The following BBC3 variants were observed in gnomAD, a reference collection of about 807,000 sequenced individuals.
BBC3 encodes the protein bcl-2-binding component 3.
A neutral mutation model predicts 18.2 loss-of-function variants in BBC3; 5 were observed. That is an observed-to-expected ratio of 0.27 (90% confidence interval 0.14 to 0.58). The LOEUF is 0.58. Among genes scored for constraint, BBC3 ranks in the 20% least tolerant of loss-of-function variants. BBC3 has a pLI of 0.91. For missense variants in BBC3, 224 were observed against 268.9 expected (o/e 0.83, Z 1.17); for synonymous variants, 119 against 128.0 (o/e 0.93, Z 0.47).
chr19:47,228,513 C>T lies in BBC3; in HGVS notation c.-15-67G>A. The T allele has an allele frequency of 9.8e-6, 12 of 1,218,854 alleles. No individual in the cohort carries two copies. Among genetic ancestry groups the T allele is most frequent in the Non-Finnish European group, 1.2e-5 (12 of 977,100 alleles). The allele number at this position is 1,218,854 out of a possible 1,614,324, so 75.5% of individuals were successfully genotyped here. On this transcript the variant is annotated intron_variant, in intron 1 of 3. Coordinates refer to ENST00000439096, the MANE Select transcript of BBC3 (RefSeq NM_014417.5). This position sits in a 1 kb window ranked among gnomAD's most constrained non-coding sequence, Gnocchi z 5.5. ...CAGGGCCCACTGTACCTCCAGCCTA[C>T]CCGGGGTTAGGACCCAGATGGAGAA...
chr19:47,227,636 C>T (rs1441648004), intron 2 of BBC3, among the ~76,000 whole-genome samples: 1 of 152,174 alleles, frequency 6.6e-6, no homozygotes, highest in East Asian at 1.9e-4. Flanking sequence ...ACCTTTAACC[C>T]TTCCCTCCCC....
At position 47,221,699 on chromosome 19, in the gene BBC3, T is replaced by A. The variant is rs2058753303; in HGVS notation, c.*103A>T. 1 of 1,572,708 alleles carries A rather than the reference T, an allele frequency of 6.4e-7. No homozygotes were observed. Among genetic ancestry groups the A allele is most frequent in the Non-Finnish European group, 8.6e-7 (1 of 1,164,716 alleles). On this transcript the variant is annotated 3_prime_UTR_variant, in exon 4 of 4. Transcript: ENST00000439096. Reference sequence around the variant, plus strand: ...GACAGGCAGGGCTGGGAGTCCAGTATGCTACATGGTGCAGAGAAAGTCCCC... The same window carrying A: ...GACAGGCAGGGCTGGGAGTCCAGTAAGCTACATGGTGCAGAGAAAGTCCCC...
rs2058826369 is a variant in BBC3, at chr19:47,226,551, C to T, written c.465+13G>A. The T allele has an allele frequency of 1.3e-6, 2 of 1,538,990 alleles. No individual in the cohort carries two copies. The highest frequency in any genetic ancestry group is 1.4e-5 in the African/African-American group (1 of 69,862). ...AAGTCCCACCTGCCGTCTACCCCAC[C>T]CCCAGCACTCACCCGCCGCTCGTAC... On this transcript the variant is annotated intron_variant, in intron 3 of 3. Coordinates refer to ENST00000439096, the MANE Select transcript of BBC3 (RefSeq NM_014417.5).
chr19:47,226,867 C>G, intron 2 of BBC3, 113 bp from the exon 3 acceptor site: 5 of 950,792 alleles, frequency 5.3e-6, no homozygotes, highest in South Asian at 2.2e-5. Flanking sequence ...TCTAGTGATC[C>G]CATCGCTAGT....
Position 47,228,389 on chromosome 19 carries a change from C to T in BBC3, c.43G>A (p.Glu15Lys). 4 of 1,231,764 alleles carry T rather than the reference C, an allele frequency of 3.2e-6. No individual in the cohort carries two copies. The highest frequency in any genetic ancestry group is 4.0e-6 in the Non-Finnish European group (4 of 988,020). The allele number at this position is 1,231,764 out of a possible 1,614,324, so 76.3% of individuals were successfully genotyped here. ...RQEGSSPEPV[E>K]GLARDGPRPF... ...CGCGGGCCGTCGCGGGCCAGGCCCT[C>T]TACGGGCTCCGGGGAGCTGCCCTCC... The change falls in exon 2 of 4, where the codon GAG (glutamate) becomes AAG (lysine). Residue 15 changes from glutamate to lysine, a missense_variant. Transcript: ENST00000439096. The surrounding 1 kb of genome is among the most constrained non-coding windows in gnomAD (Gnocchi z 5.5).
intron 3 of BBC3, among the ~76,000 whole-genome samples, chr19:47,224,471 A>C (rs1299572719): frequency 6.6e-6 from 1 of 151,152 alleles, no homozygotes; most frequent in Non-Finnish European, 1.5e-5. Context: ...AAAAAATAAA[A>C]TAAAAATTAG....
In BBC3 at chr19:47,228,122, G is replaced by T; in HGVS notation, c.274+36C>A. ...CGAGTCTCCAGCCCTCTCTCTTCCC[G>T]GCTCCTATCACCCCGGGGGCGGGGC... On this transcript the variant is annotated intron_variant, in intron 2 of 3. Coordinates refer to ENST00000439096, the MANE Select transcript of BBC3 (RefSeq NM_014417.5). This position sits in a 1 kb window ranked among gnomAD's most constrained non-coding sequence, Gnocchi z 5.5. The T allele has an allele frequency of 1.6e-6, 2 of 1,224,202 alleles. No individual in the cohort carries two copies. The allele number at this position is 1,224,202 out of a possible 1,614,324, so 75.8% of individuals were successfully genotyped here.
At chr19:47,231,205 G>T (rs1369723172), upstream of BBC3, 2 of 982,234 alleles carry the variant, frequency 2.0e-6, no homozygotes, top group Non-Finnish European at 2.4e-6. This position sits in a 1 kb window ranked among gnomAD's most constrained non-coding sequence, Gnocchi z 4.0. Context: ...GTCTCAGGCC[G>T]CCCGGCGGAT....
At chr19:47,225,293 T>C (rs2058800685) in intron 3 of BBC3, among the ~76,000 whole-genome samples, 1 of 151,566 alleles carries the variant, frequency 6.6e-6, no homozygotes, top group Non-Finnish European at 1.5e-5. Flanking sequence ...AGTGAGCCAC[T>C]TGCCTCCGCC....
Position 47,228,260 on chromosome 19 carries a change from A to AGGCAGCGGGCAGCAGGGTGGG in BBC3, c.151_171dup (p.Pro51_Ala57dup). 1 of 853,396 alleles carries AGGCAGCGGGCAGCAGGGTGGG rather than the reference A, an allele frequency of 1.2e-6. No individual in the cohort carries two copies. Among genetic ancestry groups the AGGCAGCGGGCAGCAGGGTGGG allele is most frequent in the Non-Finnish European group, 1.4e-6 (1 of 708,818 alleles). 52.9% of individuals were successfully genotyped at this position (853,396 alleles called of 1,614,324 possible). On this transcript the variant is annotated inframe_insertion, in exon 2 of 4. Transcript: ENST00000439096. The surrounding 1 kb of genome is among the most constrained non-coding windows in gnomAD (Gnocchi z 5.5). The stretch of plus-strand genomic sequence containing the variant: ...GGTGGGGCGGTGGGGGCGCAGAGGT[A>AGGCAGCGGGCAGCAGGGTGGG]GGCAGCGGGCAGCAGGGTGGGGGCG...
In BBC3 at chr19:47,220,900, GA is replaced by G. The variant is rs2058741796; in HGVS notation, c.*901del. 6.6e-6 allele frequency: 1 copy of G among 152,208 alleles called. No homozygotes were observed. The highest frequency in any genetic ancestry group is 1.5e-5 in the Non-Finnish European group (1 of 68,040). 9.4% of individuals were successfully genotyped at this position (152,208 alleles called of 1,614,324 possible). A position where few individuals can be genotyped will look rare whatever the true frequency, so the allele number is the denominator to read the frequency against. On this transcript the variant is annotated 3_prime_UTR_variant, in exon 4 of 4. Transcript: ENST00000439096. ...AAAAAAAATTAACCAAACATGTACA[GA>G]AAATTCATTCCGGTATCTACAGCAG...
rs1438087175 is a variant in BBC3 at position 47,221,137 on chromosome 19, GA to G, written c.*664del. 1 of 157,836 alleles carries G rather than the reference GA, an allele frequency of 6.3e-6. No homozygotes were observed. The highest frequency in any genetic ancestry group is 1.4e-5 in the Non-Finnish European group (1 of 72,084). 9.8% of individuals were successfully genotyped at this position (157,836 alleles called of 1,614,324 possible). A position where few individuals can be genotyped will look rare whatever the true frequency, so the allele number is the denominator to read the frequency against. On this transcript the variant is annotated 3_prime_UTR_variant, in exon 4 of 4. Coordinates refer to ENST00000439096, the MANE Select transcript of BBC3 (RefSeq NM_014417.5). The stretch of plus-strand genomic sequence containing the variant: ...CTCTCTAAACCTATGCAATGGGATT[GA>G]TGGGGCGGGGGGCGGTCACGGGCAG...
Position 47,231,178 on chromosome 19 carries a change from CA to C in BBC3, c.-266del, listed in dbSNP as rs1229708859. ...GCCGCCGCCGCCAGGCGCCCGCTCGCATGTGGCTCGCGCCGCGTCTCAGGCC... is the reference window on the plus strand; with the variant it reads ...GCCGCCGCCGCCAGGCGCCCGCTCGCTGTGGCTCGCGCCGCGTCTCAGGCC... On this transcript the variant is annotated 5_prime_UTR_variant, in exon 1 of 4. It removes an upstream start codon present in the reference 5' UTR. Coordinates refer to ENST00000439096, the MANE Select transcript of BBC3 (RefSeq NM_014417.5). This position sits in a 1 kb window ranked among gnomAD's most constrained non-coding sequence, Gnocchi z 4.0. The C allele has an allele frequency of 1.0e-6, 1 of 984,066 alleles. No individual in the cohort carries two copies. Among genetic ancestry groups the C allele is most frequent in the Non-Finnish European group, 1.2e-6 (1 of 829,452 alleles). 61.0% of individuals were successfully genotyped at this position (984,066 alleles called of 1,614,324 possible).
intron 1 of BBC3, among the ~76,000 whole-genome samples, chr19:47,229,413 A>G (rs1322846189): frequency 1.3e-5 from 2 of 150,784 alleles, no homozygotes; most frequent in Admixed American, 6.6e-5. Flanking sequence ...TCAACACACC[A>G]CCAGACACCA....
Position 47,230,900 on chromosome 19 carries a change from C to G in BBC3, c.-16+29G>C. ...TCCACCCGGCCTGGCCGATCGCCGC[C>G]GGAGAGGATTCGGGGCGCGCACACT... On this transcript the variant is annotated intron_variant, in intron 1 of 3. Coordinates refer to ENST00000439096, the MANE Select transcript of BBC3 (RefSeq NM_014417.5). The surrounding 1 kb of genome is among the most constrained non-coding windows in gnomAD (Gnocchi z 6.7). 6 of 982,940 alleles carry G rather than the reference C, an allele frequency of 6.1e-6. No individual in the cohort carries two copies. The highest frequency in any genetic ancestry group is 7.2e-6 in the Non-Finnish European group (6 of 827,874). The allele number at this position is 982,940 out of a possible 1,614,324, so 60.9% of individuals were successfully genotyped here. A position where few individuals can be genotyped will look rare whatever the true frequency, so the allele number is the denominator to read the frequency against.
rs1353381051 is a variant in BBC3, at chr19:47,226,672, G to C, written c.357C>G (p.Pro119=). 6.6e-7 allele frequency: 1 copy of C among 1,508,302 alleles called. No individual in the cohort carries two copies. The highest frequency in any genetic ancestry group is 8.9e-7 in the Non-Finnish European group (1 of 1,129,900). 93.4% of individuals were successfully genotyped at this position (1,508,302 alleles called of 1,614,324 possible). The change falls in exon 3 of 4, where the codon CCC becomes CCG. Residue 119 remains proline (P), a synonymous_variant. Coordinates refer to ENST00000439096, the MANE Select transcript of BBC3 (RefSeq NM_014417.5). ...CGCGGACTCCCGGGGCCGCCTGGGT[G>C]GGACCGCCCGCCAGAGCCCCCGGGG... ...PSAPGALAGG[P]TQAAPGVRGE...
At chr19:47,232,431 T>C, upstream of BBC3, 2 of 1,212,192 alleles carry the variant, frequency 1.6e-6, no homozygotes, top group Non-Finnish European at 2.3e-6. Flanking sequence ...CACCCACACA[T>C]GTCACAAAGT....
Position 47,228,410 on chromosome 19 carries a change from C to T in BBC3, c.22G>A (p.Gly8Ser), listed in dbSNP as rs2058865683. 1 of 1,231,658 alleles carries T rather than the reference C, an allele frequency of 8.1e-7. No individual in the cohort carries two copies. The highest frequency in any genetic ancestry group is 1.0e-6 in the Non-Finnish European group (1 of 987,848). 76.3% of individuals were successfully genotyped at this position (1,231,658 alleles called of 1,614,324 possible). A position where few individuals can be genotyped will look rare whatever the true frequency, so the allele number is the denominator to read the frequency against. The change falls in exon 2 of 4, where the codon GGC (glycine) becomes AGC (serine). Residue 8 changes from glycine (G) to serine (S), a missense_variant. Physicochemically the swap from Gly to Ser is moderately conservative, Grantham distance 56 (BLOSUM62 0). Transcript: ENST00000439096. The surrounding 1 kb of genome is among the most constrained non-coding windows in gnomAD (Gnocchi z 5.5). ...CCCTCTACGGGCTCCGGGGAGCTGC[C>T]CTCCTGGCGTGCGCGGGCCATGGCG... The part of the protein sequence containing the change: MARARQE[G>S]SSPEPVEGLA...
At chr19:47,222,455 C>G (rs2058762525) in intron 3 of BBC3, 2 of 152,290 alleles carry the variant, frequency 1.3e-5, no homozygotes. Context: ...CTAGGACCCT[C>G]TCAGCTCCAA....
Sources: allele counts gnomAD v4.1 joint callset (sites outside exome capture counted in the v4.1 genomes callset), GRCh38; gene constraint gnomAD v4.1.1; non-coding constraint Gnocchi (gnomAD v3.1); transcripts MANE v1.5; gene names NCBI Gene and HGNC (gene_info 2026-07-23, HGNC 2026-07-21).